The following FAAH2 variants were observed in gnomAD, a reference collection of about 807,000 sequenced individuals.
FAAH2 encodes fatty-acid amide hydrolase 2.
A neutral mutation model predicts 36.9 loss-of-function variants in FAAH2; 60 were observed. That is an observed-to-expected ratio of 1.63 (90% confidence interval 1.32 to 2.02). FAAH2 has a LOEUF of 2.02. Ranked by LOEUF, FAAH2 falls within the 30% of genes most tolerant of loss-of-function variation. The pLI is 0.00. For synonymous variants in FAAH2, 214 were observed against 143.8 expected, an observed-to-expected ratio of 1.49 and a Z score of -3.49; for missense variants, 689 against 397.5, an observed-to-expected ratio of 1.73 and a Z score of -6.23.
At chrX:57,240,346 A>G in the FAAH2 span, among the ~76,000 whole-genome samples, 1 of 111,418 alleles carries the variant, frequency 9.0e-6, no homozygotes, top group Non-Finnish European at 1.9e-5. Flanking sequence ...GGTAGATGGT[A>G]CCAGGCCTGT....
rs774323945 is a variant in FAAH2, at chrX:57,394,265, A to G, written c.996+13236A>G. ...GTAAAGATGGGCAAGAAGGGCTTGC[A>G]CCAGCCCGATTGTAGTCGTGCTTTT... On this transcript the variant is annotated intron_variant, in intron 7 of 10. Transcript: ENST00000374900. 8.5e-6 allele frequency: 7 copies of G among 822,838 alleles called. No homozygotes were observed. In the Admixed American group the frequency reaches 1.1e-4, roughly 13 times the overall value. 67.8% of individuals were successfully genotyped at this position (822,838 alleles called of 1,213,427 possible).
chrX:57,429,867 AT>A (rs201174458), intron 7 of FAAH2, among the ~76,000 whole-genome samples: 333 of 106,528 alleles, frequency 3.1e-3, no homozygotes, highest in East Asian at 0.025. Flanking sequence ...GAATAAAGTC[AT>A]TTTTTTTTTT....
At chrX:57,193,693 C>A in the FAAH2 span, among the ~76,000 whole-genome samples, 1 of 111,504 alleles carries the variant, frequency 9.0e-6, no homozygotes, top group Non-Finnish European at 1.9e-5. Context: ...TAGAAAAGAA[C>A]CTATGTGACT....
chrX:57,207,276 T>G, the FAAH2 span, among the ~76,000 whole-genome samples: 1 of 111,280 alleles, frequency 9.0e-6, no homozygotes. Flanking sequence ...GGTTGAATAG[T>G]CTCAGGTTGT....
the FAAH2 span, among the ~76,000 whole-genome samples, chrX:57,265,037 C>T: frequency 8.9e-5 from 10 of 111,848 alleles, no homozygotes; most frequent in Admixed American, 1.9e-4. Flanking sequence ...GAACCTCTCT[C>T]ACCCAGGGAA....
chrX:57,347,604 G>GTTTTTTTTTTTTTTTTT (rs61323098), intron 5 of FAAH2, among the ~76,000 whole-genome samples: 1 of 77,890 alleles, frequency 1.3e-5, no homozygotes, highest in African/African-American at 6.5e-5. Flanking sequence ...GGGATGCTAA[G>GTTTTTTTTTTTTTTTTT]TTTTTTTTTT....
chrX:57,354,138 GTA>G (rs2147114357), intron 5 of FAAH2, among the ~76,000 whole-genome samples: 1 of 110,821 alleles, frequency 9.0e-6, no homozygotes, highest in African/African-American at 3.3e-5. Context: ...ACCTGCACTT[GTA>G]TGTTTATACA....
chrX:57,411,102 G>C lies in FAAH2; in HGVS notation c.997-20816G>C, dbSNP rs891798577. Among the ~76,000 whole-genome samples, 3 of 111,846 alleles carry C rather than the reference G, an allele frequency of 2.7e-5. No individual in the cohort carries two copies. The Admixed American group carries it at 2.9e-4, about 11-fold the overall frequency. ...GGGGAAGAAAGATCTTTACCAGTGAGCCCAGCCAGATATTCTGGGAGGCGT... is the reference window on the plus strand; with the variant it reads ...GGGGAAGAAAGATCTTTACCAGTGACCCCAGCCAGATATTCTGGGAGGCGT... On this transcript the variant is annotated intron_variant, in intron 7 of 10. Transcript: ENST00000374900.
chrX:57,352,783 C>T (rs2054059135), intron 5 of FAAH2, among the ~76,000 whole-genome samples: 1 of 110,947 alleles, frequency 9.0e-6, no homozygotes, highest in South Asian at 3.7e-4. Flanking sequence ...CAAGAATCAG[C>T]ACACAAAATC....
chrX:57,465,538 T>G (rs1181898431), intron 10 of FAAH2, among the ~76,000 whole-genome samples: 1 of 111,745 alleles, frequency 8.9e-6, no homozygotes, highest in Non-Finnish European at 1.9e-5. Flanking sequence ...GAGATGATAT[T>G]TTTAAAATAA....
At chrX:57,300,473 G>A (rs1206932745) in intron 2 of FAAH2, among the ~76,000 whole-genome samples, 3 of 112,171 alleles carry the variant, frequency 2.7e-5, no homozygotes, top group Non-Finnish European at 3.8e-5. Context: ...ATGGATTAAA[G>A]ACTTACATGT....
Position 57,436,344 on chromosome X carries a change from G to A in FAAH2, c.1116+4307G>A, listed in dbSNP as rs977583310. 5.5e-5 allele frequency among the ~76,000 whole-genome samples: 6 copies of A among 108,420 alleles called. No homozygotes were observed. The Admixed American group carries it at 5.9e-4, about 11-fold the overall frequency. 94.1% of individuals were successfully genotyped at this position (108,420 alleles called of 115,157 possible). On this transcript the variant is annotated intron_variant, in intron 8 of 10. Transcript: ENST00000374900. Reference sequence around the variant, plus strand: ...GAACAAACTAAACCGAAAAGTGGCAGAAGAAAATGAGTTAAAAAAAAAAAT... The same window carrying A: ...GAACAAACTAAACCGAAAAGTGGCAAAAGAAAATGAGTTAAAAAAAAAAAT...
Position 57,470,191 on chromosome X carries a change from TA to T in FAAH2, c.1424-18565del, listed in dbSNP as rs2057136041. ...ACCCTAATATCACAATTAAAAGAACTATAGGAGCAAGAGCGAACACATTCAA... is the reference window on the plus strand; with the variant it reads ...ACCCTAATATCACAATTAAAAGAACTTAGGAGCAAGAGCGAACACATTCAA... On this transcript the variant is annotated intron_variant, in intron 10 of 10. Coordinates refer to ENST00000374900, the MANE Select transcript of FAAH2 (RefSeq NM_174912.4). Among the ~76,000 whole-genome samples the T allele has an allele frequency of 6.3e-5, 7 of 110,451 alleles. 1 individual carries two copies. The South Asian group carries it at 2.3e-3, about 36-fold the overall frequency.
chrX:57,305,400 TAA>T (rs896965262), intron 2 of FAAH2, among the ~76,000 whole-genome samples: 1 of 111,621 alleles, frequency 9.0e-6, no homozygotes, highest in Non-Finnish European at 1.9e-5. Context: ...TAATATTTTA[TAA>T]GAGTTCTACC....
chrX:57,417,115 G>A (rs1321428202), intron 7 of FAAH2, among the ~76,000 whole-genome samples: 1 of 111,511 alleles, frequency 9.0e-6, no homozygotes, highest in Admixed American at 9.5e-5. Context: ...GGTTATTCTA[G>A]CTAGCAATTC....
intron 5 of FAAH2, among the ~76,000 whole-genome samples, chrX:57,361,006 T>C (rs1385968597): frequency 2.7e-5 from 3 of 112,110 alleles, no homozygotes; most frequent in Non-Finnish European, 3.8e-5. Flanking sequence ...GGACATGATC[T>C]CATTCCTTTT....
the FAAH2 span, among the ~76,000 whole-genome samples, chrX:57,243,625 C>A: frequency 8.9e-6 from 1 of 112,032 alleles, no homozygotes; most frequent in Admixed American, 9.4e-5. Context: ...AGTGGACCTA[C>A]AGCAGTCTCC....
chrX:57,394,609 C>G (rs920360220), intron 7 of FAAH2: 2 of 1,135,165 alleles, frequency 1.8e-6, no homozygotes, highest in South Asian at 1.8e-5. Context: ...GCATTGCAAC[C>G]GTCATGAGCC....
At chrX:57,301,044 G>A (rs1166975836) in intron 2 of FAAH2, among the ~76,000 whole-genome samples, 2 of 110,474 alleles carry the variant, frequency 1.8e-5, no homozygotes, top group African/African-American at 3.3e-5. Context: ...CCTTGTGGAA[G>A]TCAGTGTGGT....
Sources: allele counts gnomAD v4.1 joint callset (sites outside exome capture counted in the v4.1 genomes callset), GRCh38; gene constraint gnomAD v4.1.1; transcripts MANE v1.5; gene names NCBI Gene and HGNC (gene_info 2026-07-23, HGNC 2026-07-21).